Variants in LRFN5 observed in about 807,000 individuals in gnomAD.
LRFN5 encodes leucine-rich repeat and fibronectin type-III domain-containing protein 5.
A neutral mutation model predicts 45.6 loss-of-function variants in LRFN5; 24 were observed. That is an observed-to-expected ratio of 0.53 (90% CI 0.38 to 0.74). The LOEUF is 0.74. Ranked by LOEUF, LRFN5 falls within the 30% of genes least tolerant of loss-of-function variation. The pLI is 0.00. For missense variants in LRFN5, 776 were observed against 861.5 expected (o/e 0.90, Z 1.24); for synonymous variants, 340 against 313.8 (o/e 1.08, Z -0.88).
At chr14:41,845,223 T>G (rs1239609315) in intron 2 of LRFN5, among the ~76,000 whole-genome samples, 1 of 152,122 alleles carries the variant, frequency 6.6e-6, no homozygotes, top group African/African-American at 2.4e-5. Flanking sequence ...TAAAATATTT[T>G]GAAATACTAT....
intron 5 of LRFN5, among the ~76,000 whole-genome samples, chr14:41,900,518 T>C (rs1891070885): frequency 6.6e-6 from 1 of 152,074 alleles, no homozygotes; most frequent in South Asian, 2.1e-4. Flanking sequence ...TAAGAAAATA[T>C]CATTAAAAAT....
At chr14:41,892,764 A>G (rs1890827146) in intron 4 of LRFN5, 3 of 985,324 alleles carry the variant, frequency 3.0e-6, no homozygotes, top group Non-Finnish European at 3.6e-6. Context: ...TTTTCAGTGG[A>G]AAGAAGAAAG....
intron 1 of LRFN5, among the ~76,000 whole-genome samples, chr14:41,680,109 T>C (rs993721760): frequency 6.6e-6 from 1 of 152,036 alleles, no homozygotes; most frequent in African/African-American, 2.4e-5. Flanking sequence ...AATAGAACAA[T>C]AGGTAGATCC....
intron 2 of LRFN5, among the ~76,000 whole-genome samples, chr14:41,788,645 C>T (rs1886813628): frequency 6.6e-6 from 1 of 152,052 alleles, no homozygotes; most frequent in Non-Finnish European, 1.5e-5. Context: ...CTGGAGATAG[C>T]ACCAAAGGAA....
chr14:41,746,196 C>G (rs907258090), intron 1 of LRFN5, among the ~76,000 whole-genome samples: 5 of 151,846 alleles, frequency 3.3e-5, no homozygotes, highest in Non-Finnish European at 7.4e-5. Context: ...AATGATGGCT[C>G]TACATATTAA....
intron 2 of LRFN5, among the ~76,000 whole-genome samples, chr14:41,876,527 A>G (rs1307276936): frequency 3.3e-5 from 5 of 149,404 alleles, no homozygotes; most frequent in Non-Finnish European, 7.4e-5. Context: ...CAATCTCCTG[A>G]CCTCGTGATC....
chr14:41,892,800 A>C (rs539755291), intron 4 of LRFN5: 1 of 985,114 alleles, frequency 1.0e-6, no homozygotes, highest in Non-Finnish European at 1.2e-6. Flanking sequence ...ATTTATGAAA[A>C]CTCTAATCAG....
chr14:41,691,557 A>G (rs1882378828), intron 1 of LRFN5, among the ~76,000 whole-genome samples: 1 of 152,084 alleles, frequency 6.6e-6, no homozygotes, highest in South Asian at 2.1e-4. Context: ...AATTGTGCAT[A>G]TACATATATA....
At position 41,610,661 on chromosome 14, in the gene LRFN5, T is replaced by TAAAAAAAAAAAAAAAAAAAA. The variant is rs199770856; in HGVS notation, c.-197+2102_-197+2121dup. ...TACCCCTCTGAGGTCCCAGGGAAGGTAAAAAAAAAAAAAAAAAAAAAAGTG... is the reference window on the plus strand; with the variant it reads ...TACCCCTCTGAGGTCCCAGGGAAGGTAAAAAAAAAAAAAAAAAAAAAAAAAAAAAAAAAAAAAAAAAAGTG... On this transcript the variant is annotated intron_variant, in intron 1 of 5. Coordinates refer to ENST00000298119, the MANE Select transcript of LRFN5 (RefSeq NM_152447.5). 6.2e-3 allele frequency among the ~76,000 whole-genome samples: 231 copies of TAAAAAAAAAAAAAAAAAAAA among 37,278 alleles called. 41 individuals carry two copies. Among genetic ancestry groups the TAAAAAAAAAAAAAAAAAAAA allele is most frequent in the Middle Eastern group, 0.023 (1 of 44 alleles). The allele number at this position is 37,278 out of a possible 152,430, so 24.5% of individuals were successfully genotyped here.
At chr14:41,640,931 A>G (rs985076142) in intron 1 of LRFN5, among the ~76,000 whole-genome samples, 1 of 152,154 alleles carries the variant, frequency 6.6e-6, no homozygotes, top group Non-Finnish European at 1.5e-5. Context: ...TATAAATAGA[A>G]CACACAGGAC....
chr14:41,609,451 T>C (rs967587045), intron 1 of LRFN5, among the ~76,000 whole-genome samples: 1 of 152,108 alleles, frequency 6.6e-6, no homozygotes, highest in African/African-American at 2.4e-5. Flanking sequence ...GGGTCTGGTA[T>C]GTTAAAATGA....
At chr14:41,836,504 A>AC (rs3832945) in intron 2 of LRFN5, among the ~76,000 whole-genome samples, 36,801 of 152,112 alleles carry the variant, frequency 0.24, 5,037 homozygotes, top group Middle Eastern at 0.36. Context: ...TTGTTATAAT[A>AC]CATGCATGTT....
intron 1 of LRFN5, among the ~76,000 whole-genome samples, chr14:41,678,248 A>G (rs1373947319): frequency 6.6e-6 from 1 of 151,664 alleles, no homozygotes; most frequent in Admixed American, 6.6e-5. Flanking sequence ...ACATGCATAC[A>G]TACATACATA....
chr14:41,894,664 AG>A (rs1890883225), intron 4 of LRFN5: 1 of 985,128 alleles, frequency 1.0e-6, no homozygotes, highest in Non-Finnish European at 1.2e-6. Flanking sequence ...TCTACAGAAA[AG>A]GTGGGAATGA....
intron 1 of LRFN5, among the ~76,000 whole-genome samples, chr14:41,719,004 T>G (rs1883605447): frequency 6.6e-6 from 1 of 152,106 alleles, no homozygotes; most frequent in African/African-American, 2.4e-5. Flanking sequence ...GAGGCAGCAT[T>G]AAGAGGAAGC....
At chr14:41,801,462 A>G (rs867734851) in intron 2 of LRFN5, among the ~76,000 whole-genome samples, 7 of 152,308 alleles carry the variant, frequency 4.6e-5, no homozygotes, top group Non-Finnish European at 8.8e-5. Flanking sequence ...CAAACTGCAT[A>G]TATCTTAGAC....
At position 41,794,991 on chromosome 14, in the gene LRFN5, C is replaced by T. The variant is rs557114771; in HGVS notation, c.-21+27962C>T. Among the ~76,000 whole-genome samples, 342 of 148,022 alleles carry T rather than the reference C, an allele frequency of 2.3e-3. 1 individual carries two copies. The highest frequency in any genetic ancestry group is 3.3e-3 in the Non-Finnish European group (218 of 67,002). ...TCTATGTTATGCATATGTATGCATGCTGTATATTCTAATTATGCATACACA... is the reference window on the plus strand; with the variant it reads ...TCTATGTTATGCATATGTATGCATGTTGTATATTCTAATTATGCATACACA... On this transcript the variant is annotated intron_variant, in intron 2 of 5. Transcript: ENST00000298119.
chr14:41,875,246 A>T (rs1890149645), intron 2 of LRFN5, among the ~76,000 whole-genome samples: 1 of 152,260 alleles, frequency 6.6e-6, no homozygotes, highest in South Asian at 2.1e-4. Context: ...CATGCATAGG[A>T]AATGCTCATG....
intron 2 of LRFN5, among the ~76,000 whole-genome samples, chr14:41,863,002 C>T (rs1310257269): frequency 5.9e-5 from 9 of 151,510 alleles, no homozygotes; most frequent in Non-Finnish European, 8.8e-5. Flanking sequence ...GTAGGTGGGA[C>T]TACAGGCGCC....
Sources: allele counts gnomAD v4.1 joint callset (sites outside exome capture counted in the v4.1 genomes callset), GRCh38; gene constraint gnomAD v4.1.1; transcripts MANE v1.5; gene names NCBI Gene and HGNC (gene_info 2026-07-23, HGNC 2026-07-21).